Variants in GIN1 observed in about 807,000 individuals in gnomAD.
GIN1 encodes gypsy retrotransposon integrase 1.
GIN1 carries 41 observed loss-of-function variants against 51.4 expected under a neutral mutation model. The observed-to-expected ratio is 0.80, with a 90% CI of 0.62 to 1.04. The LOEUF (loss-of-function observed/expected upper bound fraction) is 1.04, where lower values mean the gene tolerates loss of function less well. GIN1 is among the 50% of genes least tolerant of loss of function. The probability of loss-of-function intolerance (pLI) is 0.00; values close to 1 mark genes in which losing one functional copy is unlikely to be tolerated. For missense variants in GIN1, 610 were observed against 612.4 expected, an observed-to-expected ratio of 1.00 and a Z score of 0.04; for synonymous variants, 222 against 206.5, an observed-to-expected ratio of 1.07 and a Z score of -0.64.
At chr5:103,118,749 GT>G (rs10555111) in intron 1 of GIN1, among the ~76,000 whole-genome samples, 3,639 of 86,990 alleles carry the variant, frequency 0.042, 42 homozygotes, top group Non-Finnish European at 0.047. Context: ...AATGAAAGTT[GT>G]TTTTTTTTTT....
In GIN1 at chr5:103,088,153, T is replaced by C. The variant is rs1787132968; in HGVS notation, c.1314A>G (p.Gln438=). ...AGTCATGATCTGCCACTACTGAACC[T>C]TGCAAGAGATAAAGACTTTCTGAAA... ...SSEQESLYLL[Q]GSVVADHDYI... Residue 438 remains glutamine, a synonymous_variant, in exon 8 of 8, where the codon CAA becomes CAG. Coordinates refer to ENST00000399004, the MANE Select transcript of GIN1 (RefSeq NM_017676.2). 6.4e-7 allele frequency: 1 copy of C among 1,551,648 alleles called. No homozygotes were observed. Among genetic ancestry groups the C allele is most frequent in the Non-Finnish European group, 8.7e-7 (1 of 1,147,468 alleles).
intron 2 of GIN1, among the ~76,000 whole-genome samples, chr5:103,108,160 A>T (rs1277838687): frequency 1.3e-5 from 2 of 152,182 alleles, no homozygotes; most frequent in African/African-American, 4.8e-5. Context: ...TCACAGAAAT[A>T]TAGTTAATTC....
At chr5:103,111,752 C>G (rs1204662117) in intron 1 of GIN1, among the ~76,000 whole-genome samples, 1 of 152,090 alleles carries the variant, frequency 6.6e-6, no homozygotes, top group East Asian at 1.9e-4. Flanking sequence ...CAGTAGCTTC[C>G]GTATTTTGCT....
At chr5:103,119,186 A>G (rs1029106751) in intron 1 of GIN1, among the ~76,000 whole-genome samples, 8 of 152,232 alleles carry the variant, frequency 5.3e-5, no homozygotes, top group African/African-American at 1.9e-4. Flanking sequence ...CTGTTTCACC[A>G]AGGGTTAAAA....
At chr5:103,119,785 A>G (rs1271833909) in intron 1 of GIN1, among the ~76,000 whole-genome samples, 2 of 152,216 alleles carry the variant, frequency 1.3e-5, no homozygotes, top group Non-Finnish European at 2.9e-5. Context: ...AACCACACTC[A>G]GAATCAGCAG....
At chr5:103,099,727 T>TA (rs1787516697) in intron 4 of GIN1, among the ~76,000 whole-genome samples, 1 of 152,196 alleles carries the variant, frequency 6.6e-6, no homozygotes, top group Non-Finnish European at 1.5e-5. Context: ...GTAAGACATT[T>TA]AAAAAAATTA....
chr5:103,090,318 T>C (rs1323720244), intron 7 of GIN1, among the ~76,000 whole-genome samples: 1 of 152,114 alleles, frequency 6.6e-6, no homozygotes, highest in Admixed American at 6.6e-5. Context: ...ATGCAACACA[T>C]GAGATGTGTT....
intron 1 of GIN1, among the ~76,000 whole-genome samples, chr5:103,118,729 A>C (rs1788172175): frequency 6.6e-6 from 1 of 151,710 alleles, no homozygotes; most frequent in Non-Finnish European, 1.5e-5. Context: ...TCATATACAA[A>C]AGTAACGTAA....
chr5:103,112,351 T>C (rs530574282), intron 1 of GIN1, among the ~76,000 whole-genome samples: 10 of 152,324 alleles, frequency 6.6e-5, no homozygotes, highest in Non-Finnish European at 1.2e-4. Flanking sequence ...TTATTTGACA[T>C]AGTCACCTTG....
chr5:103,095,922 TCAAA>T (rs557574757), intron 7 of GIN1, among the ~76,000 whole-genome samples: 28 of 152,186 alleles, frequency 1.8e-4, no homozygotes, highest in East Asian at 1.7e-3. Flanking sequence ...AGACTCTGTC[TCAAA>T]CAAACAAACA....
intron 7 of GIN1, among the ~76,000 whole-genome samples, chr5:103,089,025 T>C (rs939781248): frequency 1.6e-4 from 24 of 152,214 alleles, no homozygotes; most frequent in African/African-American, 5.3e-4. Context: ...CTGAGGCTTA[T>C]GTGATAATGT....
At chr5:103,117,896 T>A (rs1788088188) in intron 1 of GIN1, among the ~76,000 whole-genome samples, 1 of 152,146 alleles carries the variant, frequency 6.6e-6, no homozygotes, top group African/African-American at 2.4e-5. Context: ...AATTTCACGC[T>A]TTTCCCCCCT....
chr5:103,103,604 T>C (rs1391917033), intron 4 of GIN1, among the ~76,000 whole-genome samples: 2 of 152,222 alleles, frequency 1.3e-5, no homozygotes, highest in Non-Finnish European at 2.9e-5. Flanking sequence ...CTAGCAGTTG[T>C]TGTATTTCTT....
chr5:103,090,154 T>C (rs1787196771), intron 7 of GIN1, among the ~76,000 whole-genome samples: 1 of 152,168 alleles, frequency 6.6e-6, no homozygotes, highest in Non-Finnish European at 1.5e-5. Flanking sequence ...TCAGGCATGG[T>C]GGCATGTGCC....
At chr5:103,118,026 T>C (rs1212660546) in intron 1 of GIN1, among the ~76,000 whole-genome samples, 1 of 152,154 alleles carries the variant, frequency 6.6e-6, no homozygotes, top group Non-Finnish European at 1.5e-5. Flanking sequence ...AAATGAGGAA[T>C]GGAAAGAGTT....
intron 1 of GIN1, among the ~76,000 whole-genome samples, chr5:103,117,369 T>G (rs192568534): frequency 6.5e-5 from 1 of 15,268 alleles, no homozygotes; most frequent in Admixed American, 9.8e-4. Flanking sequence ...TTTAAAAAAT[T>G]AAAAATTTTA....
intron 7 of GIN1, 91 bp from the exon 8 acceptor site, chr5:103,088,263 A>G: frequency 1.5e-6 from 1 of 683,662 alleles, no homozygotes; most frequent in Non-Finnish European, 2.3e-6. Flanking sequence ...ACAAAATCCC[A>G]AGTAATAAAA....
chr5:103,108,738 A>T (rs781810834), intron 1 of GIN1, 24 bp from the exon 2 acceptor site: 1 of 1,508,760 alleles, frequency 6.6e-7, no homozygotes, highest in Non-Finnish European at 9.1e-7. Flanking sequence ...ATTTAAAAAG[A>T]TAACTTAAAT....
chr5:103,114,923 T>C (rs781935946), intron 1 of GIN1, among the ~76,000 whole-genome samples: 7 of 152,114 alleles, frequency 4.6e-5, no homozygotes, highest in Non-Finnish European at 5.9e-5. Context: ...ATAATGTAGC[T>C]AGTGGTTTTG....
Sources: allele counts gnomAD v4.1 joint callset (sites outside exome capture counted in the v4.1 genomes callset), GRCh38; gene constraint gnomAD v4.1.1; transcripts MANE v1.5; gene names NCBI Gene and HGNC (gene_info 2026-07-23, HGNC 2026-07-21).